Variants in GPSM2 observed in about 807,000 individuals in gnomAD.
The protein encoded by GPSM2 is G protein-signaling modulator 2.
In GPSM2, 58 loss-of-function variants were observed where a neutral mutation model predicts 78.4. The ratio of observed to expected loss-of-function variants is 0.74; its 90% CI spans 0.60 to 0.92. GPSM2 has a LOEUF of 0.92. Ranked by LOEUF, GPSM2 falls within the 40% of genes least tolerant of loss-of-function variation. The probability of loss-of-function intolerance (pLI) is 0.00; values close to 1 mark genes in which losing one functional copy is unlikely to be tolerated. For synonymous variants in GPSM2, 224 were observed against 280.2 expected (o/e 0.80, Z 2.00); for missense variants, 700 against 815.5 (o/e 0.86, Z 1.73).
intron 14 of GPSM2, among the ~76,000 whole-genome samples, chr1:108,928,419 A>G (rs114063153): frequency 2.6e-4 from 39 of 152,334 alleles, no homozygotes; most frequent in African/African-American, 9.4e-4. Flanking sequence ...GAAATTATCA[A>G]TTTATGACAG....
At chr1:108,907,471 T>G (rs914428534) in intron 10 of GPSM2, among the ~76,000 whole-genome samples, 1 of 152,058 alleles carries the variant, frequency 6.6e-6, no homozygotes, top group South Asian at 2.1e-4. Flanking sequence ...TTACCAAATA[T>G]GTAAAGAAAC....
At position 108,914,431 on chromosome 1, in the gene GPSM2, TAA is replaced by T. The variant is rs1287909123; in HGVS notation, c.1263+25_1263+26del. On this transcript the variant is annotated intron_variant, in intron 11 of 14. Coordinates refer to ENST00000264126, the MANE Select transcript of GPSM2 (RefSeq NM_013296.5). ...AAGGTGGGTGGCAGGTTTTATGTTT[TAA>T]ATTTCATGAACTATTATAAAATGTT... 2.1e-6 allele frequency: 3 copies of T among 1,447,360 alleles called. No individual in the cohort carries two copies. In the Admixed American group the frequency reaches 5.0e-5, roughly 24 times the overall value. The allele number at this position is 1,447,360 out of a possible 1,614,324, so 89.7% of individuals were successfully genotyped here. A position where few individuals can be genotyped will look rare whatever the true frequency, so the allele number is the denominator to read the frequency against.
At chr1:108,922,762 T>C (rs960295812) in intron 13 of GPSM2, among the ~76,000 whole-genome samples, 186 bp downstream of exon 13, 1 of 152,180 alleles carries the variant, frequency 6.6e-6, no homozygotes, top group Non-Finnish European at 1.5e-5. Context: ...ATATCTGTGT[T>C]TTTAGTCCAA....
chr1:108,903,014 C>A, intron 8 of GPSM2, 112 bp from the exon 9 acceptor site: 1 of 700,312 alleles, frequency 1.4e-6, no homozygotes, highest in South Asian at 1.5e-5. Context: ...ATATGAAAGA[C>A]CAAATCAATC....
chr1:108,879,139 A>G (rs1665770091), intron 1 of GPSM2, among the ~76,000 whole-genome samples: 2 of 152,250 alleles, frequency 1.3e-5, no homozygotes, highest in Non-Finnish European at 2.9e-5. Flanking sequence ...TATTTTCAAT[A>G]TCTTCTTAAT....
At chr1:108,890,154 G>T (rs1647869386) in intron 2 of GPSM2, among the ~76,000 whole-genome samples, 1 of 152,092 alleles carries the variant, frequency 6.6e-6, no homozygotes, top group African/African-American at 2.4e-5. Flanking sequence ...AGCACCAACT[G>T]TATTAAAATT....
intron 2 of GPSM2, among the ~76,000 whole-genome samples, chr1:108,886,027 C>G (rs1647522099): frequency 6.6e-6 from 1 of 151,160 alleles, no homozygotes. Flanking sequence ...TTCTCATTTC[C>G]TTTTTTTGTA....
chr1:108,910,422 TATCA>T (rs752779058), intron 10 of GPSM2, among the ~76,000 whole-genome samples: 17 of 152,230 alleles, frequency 1.1e-4, no homozygotes, highest in Non-Finnish European at 1.9e-4. Flanking sequence ...GACATACTTT[TATCA>T]ATCTTTCTGA....
chr1:108,929,265 G>A (rs1363598141), intron 14 of GPSM2, among the ~76,000 whole-genome samples: 5 of 152,122 alleles, frequency 3.3e-5, no homozygotes, highest in African/African-American at 7.2e-5. Context: ...AGCCTAAGAC[G>A]TGATTTTTTT....
At chr1:108,898,619 C>T (rs1241152617) in intron 5 of GPSM2, 23 bp from the exon 6 acceptor site, 1 of 1,610,796 alleles carries the variant, frequency 6.2e-7, no homozygotes, top group Non-Finnish European at 8.5e-7. Context: ...CTTATTTTTT[C>T]ATCACTTTTT....
At chr1:108,898,224 A>G in intron 5 of GPSM2, 123 bp downstream of exon 5, 1 of 914,314 alleles carries the variant, frequency 1.1e-6, no homozygotes, top group Non-Finnish European at 1.8e-6. Flanking sequence ...AACTAGCAAA[A>G]TCATCAATTC....
chr1:108,929,680 A>G, intron 14 of GPSM2, 21 bp from the exon 15 acceptor site: 1 of 1,610,252 alleles, frequency 6.2e-7, no homozygotes, highest in Non-Finnish European at 8.5e-7. Flanking sequence ...ATGTCTTTTA[A>G]TCTCTCTCAT....
intron 2 of GPSM2, among the ~76,000 whole-genome samples, chr1:108,891,322 G>A (rs1212606357): frequency 6.6e-6 from 1 of 152,138 alleles, no homozygotes; most frequent in African/African-American, 2.4e-5. Context: ...AGTTGTTAAT[G>A]TGCTTTCTTG....
chr1:108,920,424 G>A (rs994381715), intron 12 of GPSM2, among the ~76,000 whole-genome samples: 27 of 152,036 alleles, frequency 1.8e-4, no homozygotes, highest in Admixed American at 4.6e-4. Flanking sequence ...AGCCGAGATC[G>A]CGCCACTGTA....
In GPSM2 at chr1:108,898,744, T is replaced by C. The variant is rs1260748685; in HGVS notation, c.660T>C (p.Asp220=). The C allele has an allele frequency of 6.2e-7, 1 of 1,614,080 alleles. No homozygotes were observed. The highest frequency in any genetic ancestry group is 8.5e-7 in the Non-Finnish European group (1 of 1,179,942). Residue 220 remains aspartate, a synonymous_variant, in exon 6 of 15, where the codon GAT becomes GAC. Transcript: ENST00000264126. ...ATTACCTCCTTGGCAACTTCAGGGA[T>C]GCAGTTATAGCTCATGAGCAGGTAC... ...NTHYLLGNFR[D]AVIAHEQRLL... is the part of the protein sequence containing the mutation.
intron 10 of GPSM2, among the ~76,000 whole-genome samples, chr1:108,907,265 T>A (rs572656487): frequency 7.2e-5 from 11 of 152,236 alleles, no homozygotes; most frequent in Non-Finnish European, 1.2e-4. Flanking sequence ...AAAATCTTAA[T>A]TCATGAATTC....
At position 108,929,977 on chromosome 1, in the gene GPSM2, T is replaced by C. The variant is rs769424113; in HGVS notation, c.*37T>C. ...TTATTTTTTTTCCTTTCAAACACGG[T>C]AAGGAAACAATCTATTACTTTTTTC... is the stretch of plus-strand genomic sequence containing the variant. On this transcript the variant is annotated 3_prime_UTR_variant, in exon 15 of 15. Coordinates refer to ENST00000264126, the MANE Select transcript of GPSM2 (RefSeq NM_013296.5). 5.7e-6 allele frequency: 9 copies of C among 1,580,346 alleles called. No individual in the cohort carries two copies. Among genetic ancestry groups the C allele is most frequent in the Admixed American group, 1.7e-5 (1 of 59,552 alleles).
intron 12 of GPSM2, among the ~76,000 whole-genome samples, chr1:108,921,241 G>A (rs991320712): frequency 2.0e-5 from 3 of 152,158 alleles, no homozygotes; most frequent in East Asian, 1.9e-4. Flanking sequence ...CCAACACGGC[G>A]AAACCCTGAC....
At chr1:108,886,515 G>A (rs989145145) in intron 2 of GPSM2, among the ~76,000 whole-genome samples, 2 of 152,196 alleles carry the variant, frequency 1.3e-5, no homozygotes, top group African/African-American at 2.4e-5. Flanking sequence ...GGCTCCTCTA[G>A]GACTTACAGT....
Sources: allele counts gnomAD v4.1 joint callset (sites outside exome capture counted in the v4.1 genomes callset), GRCh38; gene constraint gnomAD v4.1.1; transcripts MANE v1.5; gene names NCBI Gene and HGNC (gene_info 2026-07-23, HGNC 2026-07-21).